Variants in ERBB4 observed in about 807,000 individuals in gnomAD.
ERBB4 encodes the protein erb-b2 receptor tyrosine kinase 4, also known as receptor tyrosine-protein kinase erbB-4.
A neutral mutation model predicts 158.0 loss-of-function variants in ERBB4; 42 were observed. The ratio of observed to expected loss-of-function variants is 0.27; its 90% CI spans 0.21 to 0.34. ERBB4 has a LOEUF of 0.34. Ranked by LOEUF, ERBB4 falls within the 10% of genes least tolerant of loss-of-function variation. ERBB4 has a pLI of 1.00. For synonymous variants in ERBB4, 583 were observed against 558.7 expected (o/e 1.04, Z -0.61); for missense variants, 1,333 against 1,624.1 (o/e 0.82, Z 3.08).
intron 1 of ERBB4, among the ~76,000 whole-genome samples, chr2:212,356,018 A>T (rs2089450430): frequency 6.6e-6 from 1 of 152,058 alleles, no homozygotes; most frequent in Non-Finnish European, 1.5e-5. Context: ...ATTCCTCTTT[A>T]TATATAGTAA....
intron 1 of ERBB4, among the ~76,000 whole-genome samples, chr2:212,308,323 C>A (rs1216260284): frequency 1.3e-5 from 2 of 150,998 alleles, no homozygotes; most frequent in Non-Finnish European, 3.0e-5. Context: ...ACATTCTTTG[C>A]AGAGGACAGC....
At chr2:212,111,261 C>T (rs1559516859) in intron 2 of ERBB4, among the ~76,000 whole-genome samples, 2 of 152,188 alleles carry the variant, frequency 1.3e-5, no homozygotes, top group African/African-American at 2.4e-5. Flanking sequence ...TTATTGAATA[C>T]ATCTCTGCCT....
intron 1 of ERBB4, among the ~76,000 whole-genome samples, chr2:212,393,497 C>A (rs1028227502): frequency 6.6e-6 from 1 of 151,946 alleles, no homozygotes; most frequent in Non-Finnish European, 1.5e-5. Context: ...AACGTACCAC[C>A]TTTGGCTACA....
At chr2:211,772,922 CACAT>C (rs1418000265) in intron 4 of ERBB4, among the ~76,000 whole-genome samples, 896 of 40,066 alleles carry the variant, frequency 0.022, 71 homozygotes, top group East Asian at 0.16. Context: ...CACACACACA[CACAT>C]ATATATATAT....
intron 5 of ERBB4, among the ~76,000 whole-genome samples, chr2:211,734,470 C>T (rs777133243): frequency 1.3e-5 from 2 of 151,896 alleles, no homozygotes; most frequent in Non-Finnish European, 2.9e-5. Flanking sequence ...ATCTGACTTA[C>T]AGAAGAATGT....
intron 3 of ERBB4, among the ~76,000 whole-genome samples, chr2:211,895,687 TTC>T (rs1450583001): frequency 6.6e-6 from 1 of 152,148 alleles, no homozygotes; most frequent in Non-Finnish European, 1.5e-5. Context: ...CTCCAAATTT[TTC>T]TCTGTTTCTC....
At chr2:211,814,774 T>G (rs1192527045) in intron 3 of ERBB4, among the ~76,000 whole-genome samples, 2 of 152,176 alleles carry the variant, frequency 1.3e-5, no homozygotes, top group Non-Finnish European at 2.9e-5. Context: ...TAACAAATAA[T>G]AAAATCAATC....
chr2:212,100,741 G>A (rs970983470), intron 2 of ERBB4, among the ~76,000 whole-genome samples: 2 of 152,166 alleles, frequency 1.3e-5, no homozygotes, highest in African/African-American at 4.8e-5. Context: ...AAAGGAAGAA[G>A]CAATTATTCT....
At chr2:211,913,893 C>G (rs1315573972) in intron 3 of ERBB4, among the ~76,000 whole-genome samples, 1 of 150,380 alleles carries the variant, frequency 6.6e-6, no homozygotes, top group African/African-American at 2.4e-5. Context: ...ATGAACACCT[C>G]AAATAAAACA....
chr2:211,380,931 T>C lies in ERBB4; in HGVS notation c.*2684A>G, dbSNP rs1298909065. ...TTTCTATAGCCCAGTAGAAACCATA[T>C]GCATATTGTAAATCAGAAAAAAAAA... is the stretch of plus-strand genomic sequence containing the variant. On this transcript the variant is annotated 3_prime_UTR_variant, in exon 28 of 28. Coordinates refer to ENST00000342788, the MANE Select transcript of ERBB4 (RefSeq NM_005235.3). The C allele has an allele frequency of 8.6e-6, 2 of 231,894 alleles. No homozygotes were observed. The highest frequency in any genetic ancestry group is 1.7e-5 in the Non-Finnish European group (2 of 117,408). The allele number at this position is 231,894 out of a possible 1,614,324, so 14.4% of individuals were successfully genotyped here.
At chr2:212,206,423 G>C (rs1446410875) in intron 1 of ERBB4, among the ~76,000 whole-genome samples, 1 of 151,944 alleles carries the variant, frequency 6.6e-6, no homozygotes, top group Non-Finnish European at 1.5e-5. Flanking sequence ...GGTTACTATT[G>C]CATGGGATTA....
chr2:211,384,794 A>T lies in ERBB4; in HGVS notation c.3482-734T>A, dbSNP rs1276508942. On this transcript the variant is annotated intron_variant, in intron 27 of 27. Coordinates refer to ENST00000342788, the MANE Select transcript of ERBB4 (RefSeq NM_005235.3). Reference sequence around the variant, plus strand: ...AAGTAGCAAACTATCAGCTTGAATTATATAAAATAAAATAAATTTTGTATA... The same window carrying T: ...AAGTAGCAAACTATCAGCTTGAATTTTATAAAATAAAATAAATTTTGTATA... Among the ~76,000 whole-genome samples, 6 of 152,260 alleles carry T rather than the reference A, an allele frequency of 3.9e-5. No homozygotes were observed. In the East Asian group the frequency reaches 9.7e-4, roughly 25 times the overall value.
At chr2:211,586,537 G>GC (rs2068284960) in intron 19 of ERBB4, among the ~76,000 whole-genome samples, 1 of 152,028 alleles carries the variant, frequency 6.6e-6, no homozygotes, top group South Asian at 2.1e-4. Flanking sequence ...TTCTTTTCTT[G>GC]CCAGAATACT....
At chr2:211,878,657 G>GTTTTT (rs56379006) in intron 3 of ERBB4, among the ~76,000 whole-genome samples, 77,130 of 133,460 alleles carry the variant, frequency 0.58, 23,291 homozygotes, top group East Asian at 0.86. Context: ...ATTAAGTTTT[G>GTTTTT]TTTTTTTTTT....
intron 1 of ERBB4, among the ~76,000 whole-genome samples, chr2:212,202,763 A>G (rs942222985): frequency 2.0e-5 from 3 of 152,180 alleles, no homozygotes; most frequent in Non-Finnish European, 4.4e-5. Flanking sequence ...TCAATCCAGG[A>G]AAGACTGATC....
intron 1 of ERBB4, among the ~76,000 whole-genome samples, chr2:212,334,049 T>G (rs1172319472): frequency 6.6e-6 from 1 of 152,070 alleles, no homozygotes; most frequent in Non-Finnish European, 1.5e-5. Flanking sequence ...AATTTATAAT[T>G]CTAAAAAATC....
chr2:212,005,108 A>G (rs1268005395), intron 2 of ERBB4, among the ~76,000 whole-genome samples: 1 of 152,164 alleles, frequency 6.6e-6, no homozygotes, highest in African/African-American at 2.4e-5. Flanking sequence ...CACTCCATAA[A>G]CATACACAAT....
At chr2:211,870,730 G>A (rs1277508342) in intron 3 of ERBB4, among the ~76,000 whole-genome samples, 1 of 151,810 alleles carries the variant, frequency 6.6e-6, no homozygotes, top group Admixed American at 6.6e-5. Context: ...CCTCAAACTT[G>A]GTAATTTTTA....
chr2:211,831,489 T>C (rs1559555490), intron 3 of ERBB4, among the ~76,000 whole-genome samples: 1 of 152,226 alleles, frequency 6.6e-6, no homozygotes, highest in South Asian at 2.1e-4. Flanking sequence ...ATTCCAGCTA[T>C]GGCTTTTTCT....
Sources: gnomAD v4.1 joint callset for allele counts (sites outside exome capture counted in the v4.1 genomes callset) on GRCh38, gnomAD v4.1.1 for gene constraint, MANE v1.5 for transcripts, NCBI Gene and HGNC (gene_info 2026-07-23, HGNC 2026-07-21) for gene names.